Variants in DNAH11 observed in about 807,000 individuals in gnomAD.
DNAH11 encodes the protein axonemal beta dynein heavy chain 11.
Under a neutral mutation model 526.0 loss-of-function variants are expected in DNAH11, and 442 were observed. The ratio of observed to expected loss-of-function variants is 0.84; its 90% CI spans 0.78 to 0.91. The LOEUF is 0.91. Among genes scored for constraint, DNAH11 ranks in the 40% least tolerant of loss-of-function variants. The pLI is 0.00. For synonymous variants in DNAH11, 2,461 were observed against 1,935.9 expected, an observed-to-expected ratio of 1.27 and a Z score of -7.12; for missense variants, 6,989 against 5,448.7, an observed-to-expected ratio of 1.28 and a Z score of -8.90.
chr7:21,714,309 A>G (rs541299053), intron 42 of DNAH11, among the ~76,000 whole-genome samples: 5 of 152,334 alleles, frequency 3.3e-5, no homozygotes, highest in Admixed American at 3.3e-4. Context: ...TAATGGGTAG[A>G]TGTTAATTTT....
At position 21,654,278 on chromosome 7, in the gene DNAH11, C is replaced by G. The variant is rs372107288; in HGVS notation, c.4945-1554C>G. ...CCCCTAGCAGCCGCCAATCTGCTGT[C>G]TGTATCTATGGATTTATCTCTTGTG... On this transcript the variant is annotated intron_variant, in intron 28 of 81. Coordinates refer to ENST00000409508, the MANE Select transcript of DNAH11 (RefSeq NM_001277115.2). Among the ~76,000 whole-genome samples, 15 of 152,274 alleles carry G rather than the reference C, an allele frequency of 9.9e-5. No individual in the cohort carries two copies. The East Asian group carries it at 2.1e-3, about 22-fold the overall frequency.
rs185794149 is a variant in DNAH11, at chr7:21,873,480, C to T, written c.12174C>T (p.Ala4058=). ...CAGGGATGCTGGCCAATTTGCATGC[C>T]GCCCTGTACAACTTTGATCAGGTAA... is the stretch of plus-strand genomic sequence containing the variant. ...PPTGMLANLH[A]ALYNFDQDTL... Residue 4058 remains alanine (A), a synonymous_variant, in exon 74 of 82, where the codon GCC becomes GCT. Coordinates refer to ENST00000409508, the MANE Select transcript of DNAH11 (RefSeq NM_001277115.2). 8.5e-4 allele frequency: 1,370 copies of T among 1,613,888 alleles called. 3 individuals carry two copies. In the Middle Eastern group the frequency reaches 0.011, roughly 13 times the overall value.
At chr7:21,727,184 C>T (rs565399461) in intron 45 of DNAH11, among the ~76,000 whole-genome samples, 19 of 151,972 alleles carry the variant, frequency 1.3e-4, no homozygotes, top group African/African-American at 2.7e-4. Context: ...CCGCCCACCT[C>T]GGCCTCCCAG....
chr7:21,793,565 G>A (rs1345977132), intron 61 of DNAH11, among the ~76,000 whole-genome samples: 3 of 150,522 alleles, frequency 2.0e-5, no homozygotes, highest in Admixed American at 6.6e-5. Context: ...GCAGGGAGCC[G>A]AGATCGTGCC....
rs778746926 is a variant in DNAH11 at position 21,787,478 on chromosome 7, A to G, written c.9819A>G (p.Glu3273=). The G allele has an allele frequency of 6.2e-7, 1 of 1,613,722 alleles. No homozygotes were observed. The highest frequency in any genetic ancestry group is 1.7e-5 in the Admixed American group (1 of 59,998). ...AGAACTGTCTAAAAGTGGTGAATGA[A>G]CACTATTTGAAAGACCCAGAGTTTA... ...IPENCLKVVN[E]HYLKDPEFNP... is the part of the protein sequence containing the mutation. Residue 3273 remains glutamate, a synonymous_variant, in exon 60 of 82, where the codon GAA becomes GAG. Transcript: ENST00000409508.
chr7:21,653,275 T>C (rs1346988623), intron 28 of DNAH11, among the ~76,000 whole-genome samples: 1 of 152,064 alleles, frequency 6.6e-6, no homozygotes, highest in African/African-American at 2.4e-5. Context: ...AGCAATCTCA[T>C]TAAAAATAGA....
chr7:21,723,761 G>A (rs1335516520), intron 44 of DNAH11, among the ~76,000 whole-genome samples: 21 of 73,516 alleles, frequency 2.9e-4, no homozygotes, highest in African/African-American at 1.1e-3. Flanking sequence ...TCCACCCCCA[G>A]CTACAGGGTC....
At chr7:21,878,535 T>A (rs550411291) in intron 74 of DNAH11, among the ~76,000 whole-genome samples, 1 of 152,386 alleles carries the variant, frequency 6.6e-6, no homozygotes, top group East Asian at 1.9e-4. Context: ...CTTTTCTGCC[T>A]TCACAAGCTT....
chr7:21,601,361 A>G, intron 17 of DNAH11, 35 bp from the exon 18 acceptor site: 4 of 1,567,264 alleles, frequency 2.6e-6, no homozygotes, highest in Non-Finnish European at 2.6e-6. Flanking sequence ...AATAAACTTA[A>G]TTTGTGTGTA....
intron 28 of DNAH11, among the ~76,000 whole-genome samples, chr7:21,646,982 ACAAAT>A (rs549448785): frequency 1.3e-5 from 2 of 152,196 alleles, no homozygotes; most frequent in Non-Finnish European, 1.5e-5. Flanking sequence ...GAAAAAAGAG[ACAAAT>A]CAAAACTGAC....
intron 56 of DNAH11, among the ~76,000 whole-genome samples, chr7:21,778,245 C>G (rs1380408753): frequency 6.6e-6 from 1 of 151,988 alleles, no homozygotes; most frequent in African/African-American, 2.4e-5. Flanking sequence ...CTGAGTTCTC[C>G]AAGAGCTGAG....
At chr7:21,720,258 G>C (rs532983233) in intron 43 of DNAH11, among the ~76,000 whole-genome samples, 1 of 152,190 alleles carries the variant, frequency 6.6e-6, no homozygotes, top group Non-Finnish European at 1.5e-5. Flanking sequence ...GAAGGAAATA[G>C]TAAAATAAAT....
chr7:21,656,474 A>T (rs980263120), intron 29 of DNAH11, among the ~76,000 whole-genome samples: 7 of 152,102 alleles, frequency 4.6e-5, no homozygotes, highest in African/African-American at 1.4e-4. Context: ...GATGTCCTGT[A>T]CTCTAATTAC....
intron 79 of DNAH11, 36 bp from the exon 80 acceptor site, chr7:21,899,300 A>AAC: frequency 6.4e-7 from 1 of 1,559,296 alleles, no homozygotes; most frequent in South Asian, 1.1e-5. Flanking sequence ...TATTTTACTG[A>AAC]ACAGCAAGTT....
At chr7:21,638,724 G>GTGTGTGTC (rs1388071734) in intron 27 of DNAH11, among the ~76,000 whole-genome samples, 1 of 151,330 alleles carries the variant, frequency 6.6e-6, no homozygotes, top group Non-Finnish European at 1.5e-5. Flanking sequence ...GTGTGTGTGT[G>GTGTGTGTC]TGTGTGTGTA....
chr7:21,610,245 C>A (rs983401362), intron 20 of DNAH11, among the ~76,000 whole-genome samples: 4 of 152,096 alleles, frequency 2.6e-5, no homozygotes, highest in Non-Finnish European at 5.9e-5. Flanking sequence ...CAGTGCGAGA[C>A]TCCATCTCAA....
At chr7:21,861,158 G>A (rs957018365) in intron 68 of DNAH11, among the ~76,000 whole-genome samples, 2 of 152,164 alleles carry the variant, frequency 1.3e-5, no homozygotes, top group Non-Finnish European at 2.9e-5. Context: ...TGCGGGGAAG[G>A]GAGAATATAC....
At chr7:21,713,497 A>G (rs912139480) in intron 42 of DNAH11, among the ~76,000 whole-genome samples, 22 of 152,124 alleles carry the variant, frequency 1.4e-4, no homozygotes, top group Admixed American at 2.0e-4. Context: ...CTTTCCTTCC[A>G]GGTTCTGGCA....
rs1784322743 is a variant in DNAH11, at chr7:21,581,940, A to T, written c.1629A>T (p.Lys543Asn). 2 of 1,612,946 alleles carry T rather than the reference A, an allele frequency of 1.2e-6. No homozygotes were observed. Among genetic ancestry groups the T allele is most frequent in the African/African-American group, 2.7e-5 (2 of 74,900 alleles). The part of the protein sequence containing the change: ...FESDYVAFKS[K>N]TLEFDRRLGT... ...GTGATTATGTGGCATTTAAGTCCAAAACTCTGGAATTTGACAGAAGGCTTG... is the reference window on the plus strand; with the variant it reads ...GTGATTATGTGGCATTTAAGTCCAATACTCTGGAATTTGACAGAAGGCTTG... The change falls in exon 9 of 82, where the codon AAA (lysine) becomes AAT (asparagine). Residue 543 changes from lysine (K) to asparagine (N), a missense_variant. Lys to Asn is a moderately conservative substitution (Grantham distance 94). Coordinates refer to ENST00000409508, the MANE Select transcript of DNAH11 (RefSeq NM_001277115.2).
Sources: gnomAD v4.1 joint callset for allele counts (sites outside exome capture counted in the v4.1 genomes callset) on GRCh38, gnomAD v4.1.1 for gene constraint, MANE v1.5 for transcripts, NCBI Gene and HGNC (gene_info 2026-07-23, HGNC 2026-07-21) for gene names.